IL1RAPL1: variants seen among roughly 807,000 people sequenced by gnomAD.
The protein encoded by IL1RAPL1 is interleukin 1 receptor accessory protein like 1.
IL1RAPL1 carries 3 observed loss-of-function variants against 48.4 expected under a neutral mutation model. That is an observed-to-expected ratio of 0.06 (90% CI 0.03 to 0.16). The LOEUF is 0.16. Ranked by LOEUF, IL1RAPL1 falls within the 10% of genes least tolerant of loss-of-function variation. The pLI, the probability that IL1RAPL1 is intolerant of heterozygous loss-of-function variation, is 1.00. For missense variants in IL1RAPL1, 349 were observed against 530.6 expected, an observed-to-expected ratio of 0.66 and a Z score of 3.36; for synonymous variants, 185 against 187.7, an observed-to-expected ratio of 0.99 and a Z score of 0.12.
chrX:29,153,309 G>T (rs760473387), intron 2 of IL1RAPL1, among the ~76,000 whole-genome samples: 1 of 111,492 alleles, frequency 9.0e-6, no homozygotes, highest in Non-Finnish European at 1.9e-5. Flanking sequence ...TATCTGCTAC[G>T]TTAACTCCCC....
At chrX:28,962,463 AG>A (rs1924804655) in intron 2 of IL1RAPL1, among the ~76,000 whole-genome samples, 1 of 111,510 alleles carries the variant, frequency 9.0e-6, no homozygotes, top group Non-Finnish European at 1.9e-5. Flanking sequence ...TTTGAGACCC[AG>A]AATCCTGGTA....
At chrX:29,811,500 G>A (rs1295579844) in intron 6 of IL1RAPL1, among the ~76,000 whole-genome samples, 1 of 106,929 alleles carries the variant, frequency 9.4e-6, no homozygotes, top group Non-Finnish European at 1.9e-5. Context: ...TGTGCCCACC[G>A]GTATTAAGAG....
At chrX:29,781,219 T>C (rs1387569167) in intron 6 of IL1RAPL1, among the ~76,000 whole-genome samples, 2 of 112,364 alleles carry the variant, frequency 1.8e-5, no homozygotes, top group African/African-American at 6.5e-5. Flanking sequence ...TAAGCCATTT[T>C]ATCTGCAATT....
chrX:29,427,332 GTTC>G (rs1385177567), intron 5 of IL1RAPL1, among the ~76,000 whole-genome samples: 2 of 112,404 alleles, frequency 1.8e-5, no homozygotes, highest in Admixed American at 1.9e-4. Context: ...AACCCTATTG[GTTC>G]TTCTTGCCTA....
At chrX:29,033,039 A>T (rs1926655832) in intron 2 of IL1RAPL1, among the ~76,000 whole-genome samples, 1 of 112,197 alleles carries the variant, frequency 8.9e-6, no homozygotes. Flanking sequence ...TATGTGGGAC[A>T]TATAAAAATA....
intron 5 of IL1RAPL1, among the ~76,000 whole-genome samples, chrX:29,661,220 T>A (rs1380034669): frequency 8.9e-6 from 1 of 112,531 alleles, no homozygotes; most frequent in Non-Finnish European, 1.9e-5. Context: ...AGTTTTTTGG[T>A]GGAGTTTTTA....
intron 1 of IL1RAPL1, among the ~76,000 whole-genome samples, chrX:28,588,896 C>T (rs1338268367): frequency 8.9e-6 from 1 of 111,831 alleles, no homozygotes; most frequent in Non-Finnish European, 1.9e-5. Flanking sequence ...CCTTTTATTG[C>T]AATGCAGCCA....
intron 2 of IL1RAPL1, among the ~76,000 whole-genome samples, chrX:29,279,433 C>T (rs1406839089): frequency 9.5e-6 from 1 of 105,693 alleles, no homozygotes; most frequent in African/African-American, 3.5e-5. Flanking sequence ...AAGACTCCAT[C>T]TCAAAAAAAA....
chrX:29,646,347 C>T (rs1055871831), intron 5 of IL1RAPL1, among the ~76,000 whole-genome samples: 1 of 111,029 alleles, frequency 9.0e-6, no homozygotes, highest in Non-Finnish European at 1.9e-5. Context: ...CAAAAGTATT[C>T]ATCAAGAAGA....
chrX:29,039,815 G>A (rs1602024681), intron 2 of IL1RAPL1, among the ~76,000 whole-genome samples: 1 of 106,285 alleles, frequency 9.4e-6, no homozygotes, highest in East Asian at 3.0e-4. Context: ...AAAATCCTGA[G>A]GCAGTCTAAT....
intron 1 of IL1RAPL1, among the ~76,000 whole-genome samples, chrX:28,705,440 A>G (rs1935363871): frequency 8.9e-6 from 1 of 112,367 alleles, no homozygotes; most frequent in African/African-American, 3.2e-5. Flanking sequence ...GGTGTCTTTT[A>G]AATAGGCTTT....
chrX:29,918,801 T>G (rs1268588167), intron 7 of IL1RAPL1, among the ~76,000 whole-genome samples: 1 of 112,390 alleles, frequency 8.9e-6, no homozygotes, highest in Non-Finnish European at 1.9e-5. Flanking sequence ...CATTTAAGTA[T>G]CAATTATAAT....
chrX:29,787,551 G>A (rs1469269910), intron 6 of IL1RAPL1, among the ~76,000 whole-genome samples: 1 of 111,625 alleles, frequency 9.0e-6, no homozygotes, highest in East Asian at 2.8e-4. Flanking sequence ...TCATTATTTA[G>A]TTAAGAAATA....
intron 2 of IL1RAPL1, among the ~76,000 whole-genome samples, chrX:28,926,918 A>C (rs953235036): frequency 1.8e-5 from 2 of 110,832 alleles, no homozygotes; most frequent in African/African-American, 6.6e-5. Context: ...TAGAGATGGA[A>C]TCTCCCTCTG....
chrX:29,151,221 G>A (rs893440032), intron 2 of IL1RAPL1, among the ~76,000 whole-genome samples: 1 of 112,084 alleles, frequency 8.9e-6, no homozygotes, highest in Non-Finnish European at 1.9e-5. Context: ...CTGTTTCCAT[G>A]GATGGTTCCA....
chrX:28,687,498 T>A (rs1329469823), intron 1 of IL1RAPL1, among the ~76,000 whole-genome samples: 1 of 112,333 alleles, frequency 8.9e-6, no homozygotes, highest in African/African-American at 3.2e-5. Context: ...GAAGAAAATA[T>A]GGGGCCGGGC....
At chrX:28,853,776 G>T (rs963111588) in intron 2 of IL1RAPL1, among the ~76,000 whole-genome samples, 2 of 111,754 alleles carry the variant, frequency 1.8e-5, no homozygotes, top group African/African-American at 6.5e-5. Flanking sequence ...AGCTGCCTTT[G>T]GGAAGTTTAT....
intron 2 of IL1RAPL1, among the ~76,000 whole-genome samples, chrX:28,928,349 A>G (rs1444310586): frequency 1.8e-5 from 2 of 111,200 alleles, no homozygotes; most frequent in Non-Finnish European, 1.9e-5. Flanking sequence ...TTTTGTCACC[A>G]TACAATTAAA....
chrX:29,425,050 A>T (rs1242410466), intron 5 of IL1RAPL1, among the ~76,000 whole-genome samples: 1 of 111,228 alleles, frequency 9.0e-6, no homozygotes, highest in Admixed American at 9.6e-5. Context: ...TACAACAGGG[A>T]CTCCAACTTA....
Sources: allele counts gnomAD v4.1 joint callset (sites outside exome capture counted in the v4.1 genomes callset), GRCh38; gene constraint gnomAD v4.1.1; transcripts MANE v1.5; gene names NCBI Gene and HGNC (gene_info 2026-07-23, HGNC 2026-07-21).